The following GMPS variants were observed in gnomAD, a reference collection of about 807,000 sequenced individuals.
GMPS encodes GMP synthase [glutamine-hydrolyzing].
A neutral mutation model predicts 77.9 loss-of-function variants in GMPS; 15 were observed. The observed-to-expected ratio is 0.19, with a 90% CI of 0.13 to 0.30. The LOEUF is 0.30. Ranked by LOEUF, GMPS falls within the 10% of genes least tolerant of loss-of-function variation. The pLI is 1.00. For synonymous variants in GMPS, 224 were observed against 275.9 expected (o/e 0.81, Z 1.86); for missense variants, 590 against 838.8 (o/e 0.70, Z 3.66).
At position 155,937,881 on chromosome 3, in the gene GMPS, G is replaced by A. The variant is rs1171525878; in HGVS notation, c.*189G>A. 1.9e-5 allele frequency: 10 copies of A among 514,416 alleles called. No homozygotes were observed. Among genetic ancestry groups the A allele is most frequent in the Non-Finnish European group, 3.4e-5 (10 of 292,582 alleles). The allele number at this position is 514,416 out of a possible 1,614,324, so 31.9% of individuals were successfully genotyped here. On this transcript the variant is annotated 3_prime_UTR_variant, in exon 16 of 16. Transcript: ENST00000496455. ...CAAAAGGGACTGAAGAGTTTGTACG[G>A]GTAAATAATCAAAGCACCATTGCCT...
intron 12 of GMPS, among the ~76,000 whole-genome samples, chr3:155,929,238 G>A (rs1229723462): frequency 4.0e-5 from 6 of 151,092 alleles, no homozygotes; most frequent in Middle Eastern, 3.4e-3. Flanking sequence ...TCTAACTGGT[G>A]TGAGATGGTA....
chr3:155,909,172 C>G (rs1489224794), intron 5 of GMPS, among the ~76,000 whole-genome samples: 1 of 152,170 alleles, frequency 6.6e-6, no homozygotes, highest in East Asian at 1.9e-4. Flanking sequence ...ATACAAGTTT[C>G]TTGATATCTC....
At chr3:155,918,311 G>T (rs112740598) in intron 9 of GMPS, among the ~76,000 whole-genome samples, 1,656 of 152,108 alleles carry the variant, frequency 0.011, 41 homozygotes, top group African/African-American at 0.038. Context: ...AATTAGCCAG[G>T]TTTGGTGGTG....
upstream of GMPS, among the ~76,000 whole-genome samples, chr3:155,869,851 T>C (rs544018490): frequency 6.6e-6 from 1 of 152,214 alleles, no homozygotes; most frequent in African/African-American, 2.4e-5. Flanking sequence ...ATCTCAAGTA[T>C]TATTCTTTAT....
At chr3:155,879,186 A>C (rs1027856929) in intron 1 of GMPS, among the ~76,000 whole-genome samples, 1 of 151,728 alleles carries the variant, frequency 6.6e-6, no homozygotes, top group Non-Finnish European at 1.5e-5. Flanking sequence ...TTTACTAGCT[A>C]TCTGGGTATT....
intron 9 of GMPS, among the ~76,000 whole-genome samples, chr3:155,918,827 T>G (rs146128266): frequency 0.012 from 1,839 of 152,302 alleles, 15 homozygotes; most frequent in Non-Finnish European, 0.019. Flanking sequence ...TACAAGTCTT[T>G]TATCAGATAT....
intron 4 of GMPS, among the ~76,000 whole-genome samples, 153 bp from the exon 5 acceptor site, chr3:155,906,007 C>T (rs1467174016): frequency 2.7e-5 from 4 of 149,574 alleles, no homozygotes; most frequent in African/African-American, 9.8e-5. Context: ...TTGTAATGGA[C>T]ATAATATTTG....
chr3:155,900,932 T>A (rs1320962669), intron 3 of GMPS, among the ~76,000 whole-genome samples: 1 of 152,178 alleles, frequency 6.6e-6, no homozygotes, highest in Non-Finnish European at 1.5e-5. Context: ...TTCTGAAATT[T>A]GAGCAATTTC....
rs146866471 is a variant in GMPS, at chr3:155,919,925, G to C, written c.1318+587G>C. Among the ~76,000 whole-genome samples, 129 of 152,324 alleles carry C rather than the reference G, an allele frequency of 8.5e-4. 2 individuals carry two copies. In the East Asian group the frequency reaches 0.017, roughly 20 times the overall value. On this transcript the variant is annotated intron_variant, in intron 10 of 15. Transcript: ENST00000496455. ...TAACCTGTTTTTGTTACTAGTTCTT[G>C]AGAGGTTGGGCAAGTCTGTACATCA...
intron 1 of GMPS, among the ~76,000 whole-genome samples, chr3:155,883,658 C>G (rs1381563124): frequency 6.6e-6 from 1 of 152,090 alleles, no homozygotes. Context: ...GCCTTTGGTT[C>G]TTCATGCAAA....
In GMPS at chr3:155,897,114, A is replaced by AT. The variant is rs907241717; in HGVS notation, c.210-804dup. ...AGGAGTGAAGGCCCAGTGTTTCCAG[A>AT]TTTTTTTTTCCCTGAAGAAATTCCA... On this transcript the variant is annotated intron_variant, in intron 2 of 15. Transcript: ENST00000496455. Among the ~76,000 whole-genome samples the AT allele has an allele frequency of 6.6e-5, 10 of 151,398 alleles. No homozygotes were observed. The South Asian group carries it at 1.3e-3, about 19-fold the overall frequency.
Position 155,873,638 on chromosome 3 carries a change from C to CTTTTTTTTTTTTTTTTTTTTTT in GMPS, c.27+2755_27+2756insTTTTTTTTTTTTTTTTTTTTTT, listed in dbSNP as rs58365650. ...TGTCGTTAGGTTACATGAGTAAGTT[C>CTTTTTTTTTTTTTTTTTTTTTT]TTTTTTTTTTTTTTGAGATGGAGTC... On this transcript the variant is annotated intron_variant, in intron 1 of 15. Coordinates refer to ENST00000496455, the MANE Select transcript of GMPS (RefSeq NM_003875.3). Among the ~76,000 whole-genome samples the CTTTTTTTTTTTTTTTTTTTTTT allele has an allele frequency of 1.5e-4, 12 of 82,552 alleles. 6 individuals carry two copies. The highest frequency in any genetic ancestry group is 2.2e-4 in the Non-Finnish European group (10 of 44,936). 54.2% of individuals were successfully genotyped at this position (82,552 alleles called of 152,430 possible). A position where few individuals can be genotyped will look rare whatever the true frequency, so the allele number is the denominator to read the frequency against.
intron 1 of GMPS, among the ~76,000 whole-genome samples, chr3:155,886,647 G>T (rs1245404765): frequency 9.3e-6 from 1 of 107,920 alleles, no homozygotes; most frequent in Admixed American, 1.2e-4. Context: ...TTGACACAGA[G>T]TCTTGCTCTG....
intron 7 of GMPS, among the ~76,000 whole-genome samples, chr3:155,913,407 G>A (rs4108611): frequency 0.054 from 8,287 of 152,230 alleles, 315 homozygotes; most frequent in East Asian, 0.18. Flanking sequence ...GATTCCAACA[G>A]CTTTGACTCC....
chr3:155,921,178 G>A (rs1014458841), intron 10 of GMPS, among the ~76,000 whole-genome samples: 4 of 152,146 alleles, frequency 2.6e-5, no homozygotes, highest in African/African-American at 9.7e-5. Context: ...TCTTGAACCT[G>A]GGAGGTGGAA....
intron 2 of GMPS, among the ~76,000 whole-genome samples, chr3:155,896,166 T>G (rs1754597018): frequency 6.6e-6 from 1 of 152,052 alleles, no homozygotes. Flanking sequence ...CCCACCACCA[T>G]GCCCGGCTAA....
In GMPS at chr3:155,897,874, A is replaced by G. The variant is rs142872845; in HGVS notation, c.210-53A>G. On this transcript the variant is annotated intron_variant, in intron 2 of 15. Transcript: ENST00000496455. ...GTGGTACAAGGGAGAGAGGGCATAG[A>G]CCTTGTATAAAAATTAACAGAGATT... The G allele has an allele frequency of 1.6e-3, 1,438 of 894,744 alleles. 15 individuals carry two copies. The African/African-American group carries it at 0.02, about 12-fold the overall frequency. 55.4% of individuals were successfully genotyped at this position (894,744 alleles called of 1,614,324 possible). A position where few individuals can be genotyped will look rare whatever the true frequency, so the allele number is the denominator to read the frequency against.
At chr3:155,926,554 T>A (rs565816022) in intron 12 of GMPS, among the ~76,000 whole-genome samples, 44 of 152,156 alleles carry the variant, frequency 2.9e-4, no homozygotes, top group South Asian at 4.1e-4. Context: ...TGTGCACATG[T>A]ACCCTAAAAC....
At chr3:155,903,981 T>G (rs959933298) in intron 4 of GMPS, 21 bp downstream of exon 4, 1 of 892,724 alleles carries the variant, frequency 1.1e-6, no homozygotes, top group Non-Finnish European at 1.7e-6. Flanking sequence ...TTTAGATGAA[T>G]AAGAACAATA....
Sources: gnomAD v4.1 joint callset for allele counts (sites outside exome capture counted in the v4.1 genomes callset) on GRCh38, gnomAD v4.1.1 for gene constraint, MANE v1.5 for transcripts, NCBI Gene and HGNC (gene_info 2026-07-23, HGNC 2026-07-21) for gene names.